The following SIK2 variants were observed in gnomAD, a reference collection of about 807,000 sequenced individuals.
SIK2 encodes serine/threonine-protein kinase SIK2.
Under a neutral mutation model 103.2 loss-of-function variants are expected in SIK2, and 29 were observed. That is an observed-to-expected ratio of 0.28 (90% CI 0.21 to 0.38). The LOEUF (loss-of-function observed/expected upper bound fraction) is 0.38. Among genes scored for constraint, SIK2 ranks in the 10% least tolerant of loss-of-function variants. The pLI is 1.00. For synonymous variants in SIK2, 412 were observed against 446.1 expected (o/e 0.92, Z 0.96); for missense variants, 879 against 1,171.0 (o/e 0.75, Z 3.64).
intron 3 of SIK2, among the ~76,000 whole-genome samples, chr11:111,626,487 C>T (rs770158257): frequency 2.0e-5 from 3 of 151,582 alleles, no homozygotes; most frequent in African/African-American, 7.3e-5. Context: ...GGTTTTGAAT[C>T]CTGCCTATTC....
intron 2 of SIK2, 73 bp from the exon 3 acceptor site, chr11:111,620,266 G>A: frequency 2.1e-6 from 2 of 945,574 alleles, no homozygotes. Context: ...TTTCAATTTA[G>A]GTAACTCGAT....
At chr11:111,616,838 A>G (rs1259688423) in intron 2 of SIK2, among the ~76,000 whole-genome samples, 1 of 152,188 alleles carries the variant, frequency 6.6e-6, no homozygotes, top group Non-Finnish European at 1.5e-5. Context: ...CTCTTAAAAA[A>G]AAAAAGAAGT....
intron 3 of SIK2, among the ~76,000 whole-genome samples, chr11:111,665,501 C>G (rs558908048): frequency 1.4e-4 from 21 of 151,868 alleles, no homozygotes; most frequent in African/African-American, 3.4e-4. Flanking sequence ...AGAGCAAGAC[C>G]CTGTCTCAAA....
intron 3 of SIK2, among the ~76,000 whole-genome samples, chr11:111,658,528 A>T (rs921835644): frequency 2.6e-5 from 4 of 152,186 alleles, no homozygotes; most frequent in Admixed American, 2.6e-4. Context: ...AAATCACTTG[A>T]GCCTAGGAGT....
At chr11:111,662,683 C>T (rs1942482647) in intron 3 of SIK2, among the ~76,000 whole-genome samples, 2 of 152,022 alleles carry the variant, frequency 1.3e-5, no homozygotes, top group Admixed American at 1.3e-4. Context: ...TTGAGACCAG[C>T]CTGGGCAACA....
chr11:111,678,063 C>T (rs947449011), intron 3 of SIK2, among the ~76,000 whole-genome samples: 9 of 152,180 alleles, frequency 5.9e-5, no homozygotes, highest in South Asian at 4.1e-4. Flanking sequence ...TTTCATCGTA[C>T]GCCTTCCTCC....
intron 3 of SIK2, among the ~76,000 whole-genome samples, chr11:111,670,653 C>T (rs143826523): frequency 9.2e-5 from 14 of 152,340 alleles, no homozygotes; most frequent in Admixed American, 1.3e-4. Context: ...TGGATTTATG[C>T]AGTTCTAACA....
intron 9 of SIK2, among the ~76,000 whole-genome samples, chr11:111,714,313 C>G (rs918139098): frequency 1.3e-5 from 2 of 152,202 alleles, no homozygotes; most frequent in African/African-American, 4.8e-5. Context: ...GATGTTTTCC[C>G]TAAGCGAGTG....
intron 3 of SIK2, among the ~76,000 whole-genome samples, chr11:111,665,054 A>C (rs940965189): frequency 2.6e-5 from 4 of 152,172 alleles, no homozygotes; most frequent in African/African-American, 7.2e-5. Context: ...CTGCTTCTAA[A>C]ATAGTGGACT....
At chr11:111,665,531 A>G (rs534897468) in intron 3 of SIK2, among the ~76,000 whole-genome samples, 3 of 152,256 alleles carry the variant, frequency 2.0e-5, no homozygotes, top group Admixed American at 6.5e-5. Flanking sequence ...AAAAAGGAAA[A>G]GAAATATCGG....
At chr11:111,676,023 C>T (rs779634414) in intron 3 of SIK2, among the ~76,000 whole-genome samples, 3 of 152,128 alleles carry the variant, frequency 2.0e-5, no homozygotes, top group Non-Finnish European at 2.9e-5. Context: ...TTTTGGTTTT[C>T]TGTTTCTGCT....
Position 111,705,789 on chromosome 11 carries a change from G to A in SIK2, c.1101+650G>A, listed in dbSNP as rs1591632718. ...AGCTGAAAAATGATAAAATTCTATC[G>A]ATGCTTTAAGCTAATTAATCTGGTA... On this transcript the variant is annotated intron_variant, in intron 8 of 14. Coordinates refer to ENST00000304987, the MANE Select transcript of SIK2 (RefSeq NM_015191.3). This position sits in a 1 kb window ranked among gnomAD's most constrained non-coding sequence, Gnocchi z 4.3. 6.6e-6 allele frequency among the ~76,000 whole-genome samples: 1 copy of A among 152,298 alleles called. No individual in the cohort carries two copies. The highest frequency in any genetic ancestry group is 1.5e-5 in the Non-Finnish European group (1 of 68,028).
chr11:111,677,835 G>T (rs531289490), intron 3 of SIK2, among the ~76,000 whole-genome samples: 81 of 152,248 alleles, frequency 5.3e-4, no homozygotes, highest in Non-Finnish European at 9.1e-4. Context: ...TGTCATAGAG[G>T]TGCTTAAATT....
chr11:111,669,215 TGA>T (rs982080781), intron 3 of SIK2, among the ~76,000 whole-genome samples: 1 of 152,046 alleles, frequency 6.6e-6, no homozygotes, highest in Admixed American at 6.6e-5. Context: ...TTGGACAGGG[TGA>T]GAGAGAGAGT....
At position 111,720,667 on chromosome 11, in the gene SIK2, T is replaced by C. The variant is rs1180446851; in HGVS notation, c.1685T>C (p.Met562Thr). The C allele has an allele frequency of 6.2e-7, 1 of 1,613,924 alleles. No individual in the cohort carries two copies. The highest frequency in any genetic ancestry group is 1.6e-4 in the Middle Eastern group (1 of 6,084). Residue 562 changes from methionine (M) to threonine (T), a missense_variant, in exon 11 of 15, where the codon ATG (methionine) becomes ACG (threonine). Around this residue, in one of 7 missense-constraint regions of SIK2, gnomAD observed 222 missense variants for 258.0 expected, o/e 0.86. Transcript: ENST00000304987. The part of the protein sequence containing the change: ...FISLRPTNPA[M>T]QALSSQKREV... ...AGCCTGAGACCTACCAACCCAGCCATGCAGGCTCTGAGCTCCCAGAAACGA... is the reference window on the plus strand; with the variant it reads ...AGCCTGAGACCTACCAACCCAGCCACGCAGGCTCTGAGCTCCCAGAAACGA...
intron 3 of SIK2, chr11:111,671,246 C>T (rs950743312): frequency 1.2e-5 from 3 of 260,528 alleles, no homozygotes; most frequent in South Asian, 4.7e-5. Flanking sequence ...GTAGTGATCT[C>T]GATGTCCAGG....
chr11:111,713,541 G>A (rs1333028715), intron 9 of SIK2, among the ~76,000 whole-genome samples: 1 of 152,180 alleles, frequency 6.6e-6, no homozygotes, highest in Non-Finnish European at 1.5e-5. Flanking sequence ...ATGGTTTCCT[G>A]TCTTTTTAGC....
At chr11:111,668,418 A>C (rs1942579315) in intron 3 of SIK2, among the ~76,000 whole-genome samples, 1 of 152,148 alleles carries the variant, frequency 6.6e-6, no homozygotes, top group African/African-American at 2.4e-5. Context: ...AAACTTGCAC[A>C]TGTGTTCTTG....
chr11:111,691,868 A>C (rs1302714621), intron 4 of SIK2, among the ~76,000 whole-genome samples: 1 of 152,228 alleles, frequency 6.6e-6, no homozygotes, highest in Non-Finnish European at 1.5e-5. Context: ...CTCTGCTCTT[A>C]CCTCAAGGAG....
Sources: gnomAD v4.1 joint callset for allele counts (sites outside exome capture counted in the v4.1 genomes callset) on GRCh38, gnomAD v4.1.1 for gene constraint, gnomAD v4.1.1 regional missense constraint, Gnocchi (gnomAD v3.1) non-coding constraint, MANE v1.5 for transcripts, NCBI Gene and HGNC (gene_info 2026-07-23, HGNC 2026-07-21) for gene names.